Variants in PKNOX2 observed in about 807,000 individuals in gnomAD.
PKNOX2 encodes the protein homeobox protein PKNOX2.
PKNOX2 carries 14 observed loss-of-function variants against 53.1 expected under a neutral mutation model. The ratio of observed to expected loss-of-function variants is 0.26; its 90% CI spans 0.17 to 0.41. The LOEUF is 0.41. PKNOX2 is among the 10% of genes least tolerant of loss of function. PKNOX2 has a pLI of 1.00. For synonymous variants in PKNOX2, 257 were observed against 242.8 expected, an observed-to-expected ratio of 1.06 and a Z score of -0.54; for missense variants, 496 against 602.8, an observed-to-expected ratio of 0.82 and a Z score of 1.85.
chr11:125,295,549 G>A (rs1307026355), intron 2 of PKNOX2, among the ~76,000 whole-genome samples: 1 of 152,198 alleles, frequency 6.6e-6, no homozygotes, highest in African/African-American at 2.4e-5. Context: ...TCCTGTGGTT[G>A]AAGGATGAGG....
In PKNOX2 at chr11:125,235,861, G is replaced by C. The variant is rs569865412; in HGVS notation, c.-130+746G>C. Among the ~76,000 whole-genome samples, 3 of 152,276 alleles carry C rather than the reference G, an allele frequency of 2.0e-5. No homozygotes were observed. The East Asian group carries it at 5.8e-4, about 29-fold the overall frequency. ...CCAGCAAGGCTGTGAGCTCCTGGGG[G>C]GTAAAGTCTGGGATTCCTACTTCTC... On this transcript the variant is annotated intron_variant, in intron 2 of 12. Coordinates refer to ENST00000298282, the MANE Select transcript of PKNOX2 (RefSeq NM_001382323.2).
intron 2 of PKNOX2, among the ~76,000 whole-genome samples, chr11:125,267,603 C>T (rs1296899205): frequency 6.6e-6 from 1 of 152,220 alleles, no homozygotes; most frequent in African/African-American, 2.4e-5. Flanking sequence ...GAAGTAAAAA[C>T]AACAAACAAC....
chr11:125,337,971 G>T (rs1017127245), intron 3 of PKNOX2, among the ~76,000 whole-genome samples: 4 of 152,146 alleles, frequency 2.6e-5, no homozygotes, highest in African/African-American at 9.7e-5. Context: ...CTAGTGCCTG[G>T]AGTTCCCACT....
intron 1 of PKNOX2, among the ~76,000 whole-genome samples, chr11:125,222,629 G>GTGTATGTGTGTGTGTGCA (rs1565472833): frequency 7.1e-4 from 107 of 149,680 alleles, no homozygotes; most frequent in African/African-American, 2.5e-3. Context: ...GTGTATGTGT[G>GTGTATGTGTGTGTGTGCA]TGTGTATGTG....
intron 2 of PKNOX2, among the ~76,000 whole-genome samples, chr11:125,248,257 G>A (rs1275116053): frequency 1.3e-5 from 2 of 152,162 alleles, no homozygotes; most frequent in Non-Finnish European, 2.9e-5. Flanking sequence ...GAACCTGAAG[G>A]CAATTTGTCA....
chr11:125,181,533 C>T (rs1956158662), intron 1 of PKNOX2, among the ~76,000 whole-genome samples: 1 of 152,200 alleles, frequency 6.6e-6, no homozygotes, highest in African/African-American at 2.4e-5. Flanking sequence ...GGAGTCTCCT[C>T]CCTTAATACA....
intron 2 of PKNOX2, among the ~76,000 whole-genome samples, chr11:125,273,186 C>T (rs1481486463): frequency 6.6e-6 from 1 of 152,228 alleles, no homozygotes; most frequent in Non-Finnish European, 1.5e-5. Context: ...TGGGTGTTTA[C>T]CTTTGCAGCC....
At chr11:125,412,024 G>C (rs774790008) in intron 10 of PKNOX2, among the ~76,000 whole-genome samples, 159 bp downstream of exon 10, 4 of 152,180 alleles carry the variant, frequency 2.6e-5, no homozygotes, top group East Asian at 1.9e-4. Flanking sequence ...TCCAGGCCAG[G>C]GGGGCTCAGG....
chr11:125,322,356 G>A (rs78232940), intron 2 of PKNOX2, among the ~76,000 whole-genome samples: 4,101 of 152,144 alleles, frequency 0.027, 180 homozygotes, highest in African/African-American at 0.093. Context: ...TCCAAGTGCC[G>A]GTAGCCATCC....
intron 7 of PKNOX2, among the ~76,000 whole-genome samples, chr11:125,406,003 GA>G: frequency 6.6e-6 from 1 of 152,260 alleles, no homozygotes; most frequent in African/African-American, 2.4e-5. Flanking sequence ...TCTGGGTGCT[GA>G]AAAAAGTAAC....
chr11:125,366,432 A>C (rs1439871635), intron 4 of PKNOX2, among the ~76,000 whole-genome samples: 1 of 152,240 alleles, frequency 6.6e-6, no homozygotes, highest in African/African-American at 2.4e-5. Flanking sequence ...TCATTGATTC[A>C]ACAAATATTT....
intron 1 of PKNOX2, among the ~76,000 whole-genome samples, chr11:125,172,746 G>C (rs368673478): frequency 1.3e-5 from 2 of 152,032 alleles, no homozygotes; most frequent in Non-Finnish European, 1.5e-5. Context: ...TAAAACCACC[G>C]CCACCGCCAC....
intron 8 of PKNOX2, 157 bp from the exon 9 acceptor site, chr11:125,410,622 C>A: frequency 1.5e-6 from 1 of 666,314 alleles, no homozygotes; most frequent in Non-Finnish European, 2.6e-6. Flanking sequence ...AGACACCATC[C>A]CCCACCCACC....
intron 4 of PKNOX2, among the ~76,000 whole-genome samples, chr11:125,356,128 G>T (rs184069779): frequency 6.6e-6 from 1 of 151,102 alleles, no homozygotes; most frequent in Admixed American, 6.6e-5. Context: ...ATTGTATCTG[G>T]TCTATTTGAG....
At chr11:125,305,004 A>G (rs1948334422) in intron 2 of PKNOX2, among the ~76,000 whole-genome samples, 1 of 152,208 alleles carries the variant, frequency 6.6e-6, no homozygotes, top group Non-Finnish European at 1.5e-5. Context: ...AAACCAAAAG[A>G]GTATCTAAAA....
chr11:125,389,081 A>G lies in PKNOX2; in HGVS notation c.399+3359A>G, dbSNP rs534916339. Among the ~76,000 whole-genome samples the G allele has an allele frequency of 2.0e-3, 305 of 152,066 alleles. 2 individuals are homozygous for G. Among genetic ancestry groups the G allele is most frequent in the African/African-American group, 7.0e-3 (289 of 41,476 alleles). On this transcript the variant is annotated intron_variant, in intron 6 of 12. Transcript: ENST00000298282. ...GTGGTGGTACATGTCTGTAATCACAACTCCTCAGGAGGCTGAGGCATGAGA... is the reference window on the plus strand; with the variant it reads ...GTGGTGGTACATGTCTGTAATCACAGCTCCTCAGGAGGCTGAGGCATGAGA...
At chr11:125,229,181 C>T (rs1299464044) in intron 1 of PKNOX2, among the ~76,000 whole-genome samples, 1 of 152,116 alleles carries the variant, frequency 6.6e-6, no homozygotes, top group East Asian at 1.9e-4. Flanking sequence ...TGCGACACCC[C>T]CACCACCCCC....
chr11:125,412,636 G>A (rs1364636055), intron 10 of PKNOX2, among the ~76,000 whole-genome samples: 4 of 152,144 alleles, frequency 2.6e-5, no homozygotes, highest in South Asian at 2.1e-4. Flanking sequence ...GTGTGTATGC[G>A]CTGGTGTGTG....
At chr11:125,408,373 G>A (rs2135527971) in intron 7 of PKNOX2, among the ~76,000 whole-genome samples, 1 of 152,316 alleles carries the variant, frequency 6.6e-6, no homozygotes, top group Middle Eastern at 3.4e-3. Context: ...CCCCAGGAAG[G>A]GGAAGCCAAG....
Sources: allele counts gnomAD v4.1 joint callset (sites outside exome capture counted in the v4.1 genomes callset), GRCh38; gene constraint gnomAD v4.1.1; transcripts MANE v1.5; gene names NCBI Gene and HGNC (gene_info 2026-07-23, HGNC 2026-07-21).